CPEB3: variants seen among roughly 807,000 people sequenced by gnomAD.
The protein encoded by CPEB3 is cytoplasmic polyadenylation element binding protein 3, also known as cytoplasmic polyadenylation element-binding protein 3.
Under a neutral mutation model 67.2 loss-of-function variants are expected in CPEB3, and 20 were observed. The ratio of observed to expected loss-of-function variants is 0.30; its 90% CI spans 0.21 to 0.43. The LOEUF (loss-of-function observed/expected upper bound fraction) is 0.43. Among genes scored for constraint, CPEB3 ranks in the 20% least tolerant of loss-of-function variants. The probability of loss-of-function intolerance (pLI) is 1.00; values close to 1 mark genes in which losing one functional copy is unlikely to be tolerated. For synonymous variants in CPEB3, 376 were observed against 393.1 expected, an observed-to-expected ratio of 0.96 and a Z score of 0.51; for missense variants, 746 against 968.6, an observed-to-expected ratio of 0.77 and a Z score of 3.05.
intron 3 of CPEB3, among the ~76,000 whole-genome samples, chr10:92,181,726 C>G (rs575656560): frequency 1.3e-5 from 2 of 152,298 alleles, no homozygotes; most frequent in Admixed American, 1.3e-4. Flanking sequence ...TTTAGAAAGG[C>G]TTGTAAACAC....
chr10:92,209,072 C>T (rs2134319617), intron 2 of CPEB3, among the ~76,000 whole-genome samples: 1 of 152,192 alleles, frequency 6.6e-6, no homozygotes, highest in Admixed American at 6.6e-5. Context: ...ATTAAAGTTC[C>T]CAGTAAACAT....
At chr10:92,248,900 T>A (rs1037426389) in intron 1 of CPEB3, among the ~76,000 whole-genome samples, 7 of 152,222 alleles carry the variant, frequency 4.6e-5, no homozygotes, top group South Asian at 2.1e-4. Context: ...CAGTCATGCA[T>A]AGCATTAACA....
At chr10:92,109,036 T>C (rs947468760) in intron 7 of CPEB3, among the ~76,000 whole-genome samples, 1 of 152,224 alleles carries the variant, frequency 6.6e-6, no homozygotes, top group African/African-American at 2.4e-5. Context: ...TGTTCATCTC[T>C]AGCTTCTTAA....
At chr10:92,121,417 G>A (rs1365117206) in intron 6 of CPEB3, among the ~76,000 whole-genome samples, 1 of 148,730 alleles carries the variant, frequency 6.7e-6, no homozygotes, top group Non-Finnish European at 1.5e-5. Flanking sequence ...CAGCGCGTGA[G>A]CGAGCATGCA....
intron 1 of CPEB3, among the ~76,000 whole-genome samples, chr10:92,286,434 A>T (rs1245306531): frequency 6.6e-6 from 1 of 151,632 alleles, no homozygotes; most frequent in Non-Finnish European, 1.5e-5. Flanking sequence ...AAAATACAAA[A>T]ATTAGCTGGG....
chr10:92,219,152 A>C (rs1055469900), intron 2 of CPEB3, among the ~76,000 whole-genome samples: 1 of 152,210 alleles, frequency 6.6e-6, no homozygotes. Flanking sequence ...CCCTAGAAGA[A>C]AATTCTTAAT....
In CPEB3 at chr10:92,081,504, G is replaced by GGAACTCCCC; in HGVS notation, c.1688-4_1688-3insGGGGAGTTC. On this transcript the variant is annotated splice_region_variant and splice_polypyrimidine_tract_variant and intron_variant, in intron 8 of 9. Coordinates refer to ENST00000265997, the MANE Select transcript of CPEB3 (RefSeq NM_014912.5). The stretch of plus-strand genomic sequence containing the variant: ...GTCCATGATCATTGCCAGTTCAACT[G>GGAACTCCCC]CAAAAAAAAAACAAAACATGGATGT... The GGAACTCCCC allele has an allele frequency of 6.3e-7, 1 of 1,592,732 alleles. No homozygotes were observed.
intron 2 of CPEB3, among the ~76,000 whole-genome samples, chr10:92,206,075 A>C (rs1432831283): frequency 2.0e-5 from 3 of 149,460 alleles, no homozygotes; most frequent in African/African-American, 7.4e-5. Context: ...TCCAGTAAAT[A>C]CTTTTTTTTT....
Position 92,081,514 on chromosome 10 carries a change from A to AC in CPEB3, c.1688-14_1688-13insG. The AC allele has an allele frequency of 1.2e-6, 2 of 1,608,914 alleles. No individual in the cohort carries two copies. Among genetic ancestry groups the AC allele is most frequent in the Non-Finnish European group, 8.5e-7 (1 of 1,177,690 alleles). On this transcript the variant is annotated splice_polypyrimidine_tract_variant and intron_variant, in intron 8 of 9. Transcript: ENST00000265997. ...ATTGCCAGTTCAACTGCAAAAAAAA[A>AC]ACAAAACATGGATGTGTATAAATAT...
chr10:92,238,740 C>T (rs954733701), intron 2 of CPEB3, among the ~76,000 whole-genome samples: 12 of 152,114 alleles, frequency 7.9e-5, no homozygotes, highest in African/African-American at 2.7e-4. Context: ...GGATCTCACA[C>T]TCATAATTTT....
At chr10:92,080,129 C>G (rs1045252806) in intron 9 of CPEB3, among the ~76,000 whole-genome samples, 1 of 151,540 alleles carries the variant, frequency 6.6e-6, no homozygotes, top group African/African-American at 2.4e-5. Context: ...ATGGCGTGAA[C>G]CCGGGAGGCG....
At chr10:92,078,392 G>A (rs1021325234) in intron 9 of CPEB3, among the ~76,000 whole-genome samples, 1 of 152,180 alleles carries the variant, frequency 6.6e-6, no homozygotes, top group African/African-American at 2.4e-5. Context: ...CTTTCGACCT[G>A]CCTTAAGAGA....
intron 4 of CPEB3, among the ~76,000 whole-genome samples, chr10:92,176,802 T>C (rs1327581144): frequency 6.6e-6 from 1 of 152,240 alleles, no homozygotes; most frequent in East Asian, 1.9e-4. Flanking sequence ...AAGTTAGGCA[T>C]CAATCCTACA....
chr10:92,102,711 A>G lies in CPEB3; in HGVS notation c.1572+8365T>C, dbSNP rs372938287. ...GATTTAATAAAGCCATTATCAATTA[A>G]ATATTATGCTCAGAAGACTCAAGTC... On this transcript the variant is annotated intron_variant, in intron 7 of 9. Transcript: ENST00000265997. Among the ~76,000 whole-genome samples the G allele has an allele frequency of 7.2e-4, 110 of 152,366 alleles. 1 individual carries two copies. Among genetic ancestry groups the G allele is most frequent in the South Asian group, 6.8e-3 (33 of 4,828 alleles).
intron 6 of CPEB3, among the ~76,000 whole-genome samples, chr10:92,121,988 A>C (rs1590188702): frequency 6.6e-6 from 1 of 152,156 alleles, no homozygotes; most frequent in African/African-American, 2.4e-5. Flanking sequence ...TTGCCTCAGG[A>C]GACTTTTTTT....
At chr10:92,171,596 A>G (rs1339528197) in intron 4 of CPEB3, among the ~76,000 whole-genome samples, 2 of 152,146 alleles carry the variant, frequency 1.3e-5, no homozygotes, top group African/African-American at 4.8e-5. Flanking sequence ...AGAAACAAAG[A>G]CTAACATTTG....
At chr10:92,088,413 G>C (rs766188033) in intron 8 of CPEB3, among the ~76,000 whole-genome samples, 1 of 151,762 alleles carries the variant, frequency 6.6e-6, no homozygotes, top group Admixed American at 6.6e-5. Flanking sequence ...TTATTGTAGA[G>C]ACAGGGTTTC....
intron 4 of CPEB3, among the ~76,000 whole-genome samples, chr10:92,161,747 C>T: frequency 6.6e-6 from 1 of 152,208 alleles, no homozygotes; most frequent in East Asian, 1.9e-4. Context: ...TCACTACAAC[C>T]TCCACCTCCC....
chr10:92,186,538 G>A (rs541065635), intron 3 of CPEB3, among the ~76,000 whole-genome samples: 30 of 151,440 alleles, frequency 2.0e-4, no homozygotes, highest in South Asian at 6.3e-4. Flanking sequence ...GGGTTCAAGC[G>A]ATTCTCCTGC....
Sources: gnomAD v4.1 joint callset for allele counts (sites outside exome capture counted in the v4.1 genomes callset) on GRCh38, gnomAD v4.1.1 for gene constraint, MANE v1.5 for transcripts, NCBI Gene and HGNC (gene_info 2026-07-23, HGNC 2026-07-21) for gene names.